WDR70: variants seen among roughly 807,000 people sequenced by gnomAD.
The protein encoded by WDR70 is WD repeat domain 70, also known as WD repeat-containing protein 70.
In WDR70, 53 loss-of-function variants were observed where a neutral mutation model predicts 88.6. The ratio of observed to expected loss-of-function variants is 0.60; its 90% CI spans 0.48 to 0.75. The LOEUF is 0.75. WDR70 is among the 30% of genes least tolerant of loss of function. WDR70 has a pLI of 0.00. For synonymous variants in WDR70, 280 were observed against 270.0 expected (o/e 1.04, Z -0.36); for missense variants, 610 against 823.2 (o/e 0.74, Z 3.17).
chr5:37,500,411 G>GT (rs1440065377), intron 8 of WDR70, among the ~76,000 whole-genome samples: 5 of 152,130 alleles, frequency 3.3e-5, no homozygotes, highest in African/African-American at 4.8e-5. Context: ...GTGTGCACGT[G>GT]TTTTTTTGAT....
chr5:37,679,862 C>T lies in WDR70; in HGVS notation c.1093-17793C>T, dbSNP rs191254150. Among the ~76,000 whole-genome samples, 122 of 152,380 alleles carry T rather than the reference C, an allele frequency of 8.0e-4. 2 individuals carry two copies. Among genetic ancestry groups the T allele is most frequent in the Admixed American group, 7.8e-3 (119 of 15,312 alleles). On this transcript the variant is annotated intron_variant, in intron 10 of 17. Transcript: ENST00000265107. ...GTGGAGGCTGCAGAGGCAGGCAGGC[C>T]TCCTTGAGCTGTGGTGGGCTCCACC...
chr5:37,549,954 C>T lies in WDR70; in HGVS notation c.917+33364C>T, dbSNP rs532164741. ...TTGGCTCACTGCAACCTCCACCTCCCGGGTTCAAGTGATTCTGGTGTCTCA... is the reference window on the plus strand; with the variant it reads ...TTGGCTCACTGCAACCTCCACCTCCTGGGTTCAAGTGATTCTGGTGTCTCA... On this transcript the variant is annotated intron_variant, in intron 9 of 17. Coordinates refer to ENST00000265107, the MANE Select transcript of WDR70 (RefSeq NM_018034.4). 1.6e-3 allele frequency among the ~76,000 whole-genome samples: 251 copies of T among 152,184 alleles called. 2 individuals are homozygous for T. Among genetic ancestry groups the T allele is most frequent in the African/African-American group, 5.5e-3 (229 of 41,534 alleles).
At chr5:37,401,699 C>T (rs997024226) in intron 5 of WDR70, among the ~76,000 whole-genome samples, 1 of 152,262 alleles carries the variant, frequency 6.6e-6, no homozygotes, top group Non-Finnish European at 1.5e-5. Context: ...CTCAAGCCAT[C>T]CTGCCACCTT....
At position 37,628,028 on chromosome 5, in the gene WDR70, G is replaced by T. The variant is rs116791971; in HGVS notation, c.1092+22790G>T. On this transcript the variant is annotated intron_variant, in intron 10 of 17. Transcript: ENST00000265107. ...CAGCCTTGAATTCCTGGGCTCAAAC[G>T]ATACTCCTTCCTCAGCCTCCTTAGT... 5.7e-3 allele frequency among the ~76,000 whole-genome samples: 865 copies of T among 152,256 alleles called. 6 individuals are homozygous for T. Among genetic ancestry groups the T allele is most frequent in the African/African-American group, 0.019 (792 of 41,560 alleles).
chr5:37,623,221 G>A (rs995387825), intron 10 of WDR70, among the ~76,000 whole-genome samples: 3 of 152,044 alleles, frequency 2.0e-5, no homozygotes, highest in Non-Finnish European at 4.4e-5. Context: ...TCTAAAATTT[G>A]TCTTGATACA....
chr5:37,687,518 T>C (rs1324197767), intron 10 of WDR70, among the ~76,000 whole-genome samples: 1 of 152,224 alleles, frequency 6.6e-6, no homozygotes, highest in African/African-American at 2.4e-5. Flanking sequence ...TCACTCATTC[T>C]GCATTATAAA....
At chr5:37,734,930 T>C (rs766132867) in intron 17 of WDR70, among the ~76,000 whole-genome samples, 5 of 152,194 alleles carry the variant, frequency 3.3e-5, no homozygotes, top group Admixed American at 6.6e-5. Context: ...GTTTATTCTT[T>C]CTAAGGTGTT....
chr5:37,451,087 G>A (rs565806679), intron 7 of WDR70, among the ~76,000 whole-genome samples: 2 of 64,926 alleles, frequency 3.1e-5, no homozygotes, highest in South Asian at 1.2e-3. Context: ...TAATAGAGTC[G>A]GGGTTTCTCC....
At chr5:37,716,667 G>A (rs1259909621) in intron 13 of WDR70, among the ~76,000 whole-genome samples, 1 of 150,152 alleles carries the variant, frequency 6.7e-6, no homozygotes, top group Non-Finnish European at 1.5e-5. Flanking sequence ...TGTAGTATTT[G>A]TGAGGACTCA....
intron 10 of WDR70, among the ~76,000 whole-genome samples, chr5:37,692,967 C>A (rs13011945): frequency 2.0e-5 from 3 of 152,060 alleles, no homozygotes; most frequent in African/African-American, 7.3e-5. Context: ...TTAGAAAACC[C>A]CATTGTCTCA....
rs539677533 is a variant in WDR70, at chr5:37,444,272, G to T, written c.686+900G>T. 2.6e-5 allele frequency among the ~76,000 whole-genome samples: 4 copies of T among 151,502 alleles called. No homozygotes were observed. In the South Asian group the frequency reaches 8.3e-4, roughly 32 times the overall value. On this transcript the variant is annotated intron_variant, in intron 7 of 17. Transcript: ENST00000265107. ...TACCAATCTATTTTGTACTGTTTAG[G>T]TATGGTCGGCTAGCATTATGTTAGA...
At chr5:37,509,927 G>A (rs1232044693) in intron 8 of WDR70, among the ~76,000 whole-genome samples, 3 of 151,546 alleles carry the variant, frequency 2.0e-5, no homozygotes, top group Non-Finnish European at 2.9e-5. Context: ...TGGGTGTAGC[G>A]GTGCTTGCCT....
chr5:37,622,364 C>A (rs1325814207), intron 10 of WDR70, among the ~76,000 whole-genome samples: 1 of 151,624 alleles, frequency 6.6e-6, no homozygotes, highest in Non-Finnish European at 1.5e-5. Flanking sequence ...ACTAGAAATA[C>A]CATTTGACCC....
At chr5:37,706,110 T>C (rs1747313895) in intron 13 of WDR70, among the ~76,000 whole-genome samples, 1 of 152,242 alleles carries the variant, frequency 6.6e-6, no homozygotes, top group Non-Finnish European at 1.5e-5. Context: ...AAGGGCATTT[T>C]CTATAATTAT....
chr5:37,662,908 G>A (rs1445147854), intron 10 of WDR70, among the ~76,000 whole-genome samples: 1 of 152,114 alleles, frequency 6.6e-6, no homozygotes, highest in African/African-American at 2.4e-5. Context: ...TTTTAACAAG[G>A]AAAAAGTGTT....
intron 9 of WDR70, among the ~76,000 whole-genome samples, chr5:37,519,577 G>A (rs1213796150): frequency 6.9e-6 from 1 of 144,588 alleles, no homozygotes; most frequent in African/African-American, 2.6e-5. Context: ...ACGATGGGCG[G>A]CGGGGCAGAG....
intron 14 of WDR70, 43 bp downstream of exon 14, chr5:37,721,258 T>TG (rs1414112747): frequency 1.3e-6 from 2 of 1,559,402 alleles, no homozygotes; most frequent in Non-Finnish European, 1.8e-6. Context: ...TGACAACAAC[T>TG]GGGGGGAGGG....
At chr5:37,379,855 A>G (rs578245448) in intron 2 of WDR70, among the ~76,000 whole-genome samples, 3 of 152,334 alleles carry the variant, frequency 2.0e-5, no homozygotes, top group African/African-American at 7.2e-5. Flanking sequence ...GGATTTTTAA[A>G]AATACGTAAT....
intron 10 of WDR70, among the ~76,000 whole-genome samples, chr5:37,685,687 C>T (rs953012591): frequency 1.2e-4 from 19 of 152,198 alleles, no homozygotes; most frequent in Non-Finnish European, 1.0e-4. Flanking sequence ...CCACACCAAA[C>T]TCTATTGGCT....
Sources: allele counts gnomAD v4.1 joint callset (sites outside exome capture counted in the v4.1 genomes callset), GRCh38; gene constraint gnomAD v4.1.1; transcripts MANE v1.5; gene names NCBI Gene and HGNC (gene_info 2026-07-23, HGNC 2026-07-21).